ABTB2: variants seen among roughly 807,000 people sequenced by gnomAD.
The protein encoded by ABTB2 is ankyrin repeat and BTB domain containing 2.
ABTB2 carries 56 observed loss-of-function variants against 104.1 expected under a neutral mutation model. That is an observed-to-expected ratio of 0.54 (90% CI 0.43 to 0.67). The LOEUF is 0.67. Among genes scored for constraint, ABTB2 ranks in the 30% least tolerant of loss-of-function variants. ABTB2 has a pLI of 0.00. For synonymous variants in ABTB2, 606 were observed against 608.2 expected, an observed-to-expected ratio of 1.00 and a Z score of 0.05; for missense variants, 1,279 against 1,407.7, an observed-to-expected ratio of 0.91 and a Z score of 1.46.
intron 1 of ABTB2, among the ~76,000 whole-genome samples, chr11:34,231,794 T>C (rs1312285483): frequency 6.6e-6 from 1 of 152,186 alleles, no homozygotes; most frequent in East Asian, 1.9e-4. Flanking sequence ...ATAGTGTGTA[T>C]TCTTGATATG....
intron 1 of ABTB2, among the ~76,000 whole-genome samples, chr11:34,344,519 G>GTC (rs1192978807): frequency 6.6e-6 from 1 of 152,172 alleles, no homozygotes; most frequent in Non-Finnish European, 1.5e-5. Context: ...CGGAGACAGG[G>GTC]TCTCACTCTG....
chr11:34,211,129 G>T (rs987671255), intron 1 of ABTB2, among the ~76,000 whole-genome samples: 5 of 152,096 alleles, frequency 3.3e-5, no homozygotes, highest in Non-Finnish European at 5.9e-5. Context: ...TTTGTTTTGA[G>T]ACGAGGTTTT....
At chr11:34,180,373 G>A (rs192092197) in intron 3 of ABTB2, among the ~76,000 whole-genome samples, 2 of 152,348 alleles carry the variant, frequency 1.3e-5, no homozygotes, top group East Asian at 1.9e-4. Context: ...GGTCATGAAC[G>A]TGTGTGGTGG....
chr11:34,239,929 C>T (rs1242544448), intron 1 of ABTB2, among the ~76,000 whole-genome samples: 2 of 152,292 alleles, frequency 1.3e-5, no homozygotes, highest in East Asian at 3.9e-4. Context: ...TCCACAGAGG[C>T]ATTTCCCCCC....
intron 2 of ABTB2, among the ~76,000 whole-genome samples, chr11:34,198,072 T>C (rs574373825): frequency 2.0e-5 from 3 of 152,202 alleles, no homozygotes; most frequent in South Asian, 2.1e-4. Flanking sequence ...CCCAGAAATA[T>C]GATTTAATTT....
chr11:34,342,089 C>T (rs938757892), intron 1 of ABTB2, among the ~76,000 whole-genome samples: 9 of 152,212 alleles, frequency 5.9e-5, no homozygotes, highest in South Asian at 2.1e-4. Context: ...TATCATAAAT[C>T]AAGGAAATAG....
At chr11:34,198,790 G>C (rs559044241) in intron 2 of ABTB2, among the ~76,000 whole-genome samples, 2 of 152,256 alleles carry the variant, frequency 1.3e-5, no homozygotes, top group South Asian at 4.1e-4. Context: ...TGCTGAGAAA[G>C]GATGGGCTGA....
rs139787884 is a variant in ABTB2 at position 34,160,258 on chromosome 11, C to T, written c.2493G>A (p.Pro831=). ...PSIPEIRKTL[P]ARLDPHFLNN... is the part of the protein sequence containing the mutation. ...GGGGCGCGCCTTCACCTAGCCTGGCCGGCAGGGTCTTCCGGATCTCTGGGA... is the reference window on the plus strand; with the variant it reads ...GGGGCGCGCCTTCACCTAGCCTGGCTGGCAGGGTCTTCCGGATCTCTGGGA... The change falls in exon 12 of 17, where the codon CCG becomes CCA. Residue 831 remains proline, a synonymous_variant. Coordinates refer to ENST00000435224, the MANE Select transcript of ABTB2 (RefSeq NM_145804.3). The T allele has an allele frequency of 6.4e-5, 104 of 1,613,766 alleles. 1 individual carries two copies. In the African/African-American group the frequency reaches 7.3e-4, roughly 11 times the overall value.
At chr11:34,333,315 T>C (rs571370534) in intron 1 of ABTB2, among the ~76,000 whole-genome samples, 3 of 152,278 alleles carry the variant, frequency 2.0e-5, no homozygotes, top group Admixed American at 6.5e-5. Flanking sequence ...GTAAGTTACA[T>C]AGCGGCATGT....
intron 1 of ABTB2, among the ~76,000 whole-genome samples, chr11:34,213,937 A>G (rs1853516673): frequency 6.6e-6 from 1 of 152,262 alleles, no homozygotes; most frequent in African/African-American, 2.4e-5. Context: ...GCCTCTCTCC[A>G]AAGTATTGAT....
In ABTB2 at chr11:34,356,559, T is replaced by C; in HGVS notation, c.883+142A>G. The C allele has an allele frequency of 8.5e-7, 1 of 1,179,838 alleles. No individual in the cohort carries two copies. Among genetic ancestry groups the C allele is most frequent in the South Asian group, 1.6e-5 (1 of 61,148 alleles). The allele number at this position is 1,179,838 out of a possible 1,614,324, so 73.1% of individuals were successfully genotyped here. On this transcript the variant is annotated intron_variant, in intron 1 of 16. Transcript: ENST00000435224. The surrounding 1 kb of genome is among the most constrained non-coding windows in gnomAD (Gnocchi z 4.6). ...ACAATCTCTGGCAAGTGCCATGTAA[T>C]GAACCCTATCCTCAGACCAAACGTT...
At chr11:34,308,893 G>GAA (rs1554924890) in intron 1 of ABTB2, among the ~76,000 whole-genome samples, 1 of 137,982 alleles carries the variant, frequency 7.2e-6, no homozygotes, top group African/African-American at 2.6e-5. Context: ...AAAAAGAAAA[G>GAA]AGAAAGAAAG....
chr11:34,314,907 T>C (rs1590252988), intron 1 of ABTB2, among the ~76,000 whole-genome samples: 1 of 152,016 alleles, frequency 6.6e-6, no homozygotes, highest in Non-Finnish European at 1.5e-5. Context: ...AGGCTGAGGG[T>C]GATGCCGCAC....
intron 3 of ABTB2, among the ~76,000 whole-genome samples, chr11:34,180,029 T>C (rs899802988): frequency 1.3e-5 from 2 of 152,208 alleles, no homozygotes; most frequent in Non-Finnish European, 2.9e-5. Flanking sequence ...TTATTACTAG[T>C]TTAGTGTCTG....
chr11:34,288,367 C>T (rs1564924331), intron 1 of ABTB2, among the ~76,000 whole-genome samples: 1 of 152,148 alleles, frequency 6.6e-6, no homozygotes, highest in East Asian at 1.9e-4. Flanking sequence ...ATTCAATCAC[C>T]TAAAAACACC....
intron 3 of ABTB2, among the ~76,000 whole-genome samples, chr11:34,192,900 T>C (rs890145604): frequency 1.3e-5 from 2 of 152,228 alleles, no homozygotes; most frequent in Non-Finnish European, 1.5e-5. Flanking sequence ...CTCTACTTGA[T>C]GACGCTGCCT....
intron 2 of ABTB2, among the ~76,000 whole-genome samples, chr11:34,202,715 C>T (rs1853359423): frequency 6.6e-6 from 1 of 152,114 alleles, no homozygotes; most frequent in African/African-American, 2.4e-5. Context: ...TAGTGCACAC[C>T]TATAGTCCCA....
chr11:34,325,303 C>T (rs75797715), intron 1 of ABTB2, among the ~76,000 whole-genome samples: 106 of 152,320 alleles, frequency 7.0e-4, no homozygotes, highest in African/African-American at 2.3e-3. Flanking sequence ...AGAATAAATG[C>T]TCTCCAAGAC....
intron 1 of ABTB2, among the ~76,000 whole-genome samples, chr11:34,321,986 G>T (rs1010288419): frequency 6.6e-6 from 1 of 152,108 alleles, no homozygotes; most frequent in African/African-American, 2.4e-5. Flanking sequence ...TTCTGACACC[G>T]AAAGAGCCAC....
Sources: allele counts gnomAD v4.1 joint callset (sites outside exome capture counted in the v4.1 genomes callset), GRCh38; gene constraint gnomAD v4.1.1; non-coding constraint Gnocchi (gnomAD v3.1); transcripts MANE v1.5; gene names NCBI Gene and HGNC (gene_info 2026-07-23, HGNC 2026-07-21).